KCNQ2: variants seen among roughly 807,000 people sequenced by gnomAD.
KCNQ2 encodes potassium voltage-gated channel subfamily Q member 2, also known as potassium voltage-gated channel subfamily KQT member 2.
In KCNQ2, 14 loss-of-function variants were observed where a neutral mutation model predicts 84.8. The ratio of observed to expected loss-of-function variants is 0.17; its 90% CI spans 0.11 to 0.26. The LOEUF (loss-of-function observed/expected upper bound fraction) is 0.26, where lower values mean the gene tolerates loss of function less well. KCNQ2 is among the 10% of genes least tolerant of loss of function. The pLI is 1.00. For missense variants in KCNQ2, 788 were observed against 1,254.0 expected, an observed-to-expected ratio of 0.63 and a Z score of 5.61; for synonymous variants, 599 against 554.1, an observed-to-expected ratio of 1.08 and a Z score of -1.14.
chr20:63,455,134 ATGGGAGGACGGTGGGAGGACGC>A (rs2081743017), intron 1 of KCNQ2, among the ~76,000 whole-genome samples: 1 of 152,050 alleles, frequency 6.6e-6, no homozygotes. Flanking sequence ...CGATGGGAGG[ATGGGAGGACGGTGGGAGGACGC>A]TGGGAGGACG....
intron 1 of KCNQ2, among the ~76,000 whole-genome samples, chr20:63,464,661 G>A (rs2082038378): frequency 1.3e-5 from 2 of 152,174 alleles, no homozygotes; most frequent in Admixed American, 1.3e-4. Context: ...CAGGGCCATG[G>A]CCCTGCGCCC....
chr20:63,469,251 C>T (rs898594313), intron 1 of KCNQ2, among the ~76,000 whole-genome samples: 1 of 152,238 alleles, frequency 6.6e-6, no homozygotes, highest in African/African-American at 2.4e-5. Context: ...AGCTCACACT[C>T]CCTTTGGGAG....
chr20:63,447,904 G>C (rs570987969), intron 1 of KCNQ2: 1 of 152,146 alleles, frequency 6.6e-6, no homozygotes, highest in Non-Finnish European at 1.5e-5. Flanking sequence ...GCCCAAATGC[G>C]TGACTTTTTC....
intron 1 of KCNQ2, among the ~76,000 whole-genome samples, chr20:63,451,465 G>A (rs529106562): frequency 2.6e-5 from 4 of 152,190 alleles, no homozygotes; most frequent in Admixed American, 2.6e-4. Context: ...GCTCTAGGGA[G>A]AACCTGCCTG....
intron 3 of KCNQ2, 86 bp downstream of exon 3, chr20:63,445,152 G>A (rs1487413679): frequency 8.2e-6 from 13 of 1,579,438 alleles, no homozygotes; most frequent in Middle Eastern, 1.7e-4. Context: ...TCTGGCCCAC[G>A]CAGACGCCCC....
In KCNQ2 at chr20:63,468,067, T is replaced by A. The variant is rs1192328005; in HGVS notation, c.296+4101A>T. Among the ~76,000 whole-genome samples, 3 of 152,210 alleles carry A rather than the reference T, an allele frequency of 2.0e-5. No individual in the cohort carries two copies. The East Asian group carries it at 5.8e-4, about 29-fold the overall frequency. ...AAGCAGCATCATGTACAATGTCTTA[T>A]CACTCCAGAGTAATTTCACTTTAAA... is the stretch of plus-strand genomic sequence containing the variant. On this transcript the variant is annotated intron_variant, in intron 1 of 16. Coordinates refer to ENST00000359125, the MANE Select transcript of KCNQ2 (RefSeq NM_172107.4).
chr20:63,413,700 T>TAATGA, intron 14 of KCNQ2, 119 bp from the exon 15 acceptor site: 2 of 1,129,628 alleles, frequency 1.8e-6, no homozygotes, highest in Non-Finnish European at 2.6e-6. Context: ...TTGCCCCTCT[T>TAATGA]GTCTGCCGCC....
At chr20:63,459,417 C>G (rs1324462034) in intron 1 of KCNQ2, 1 of 152,202 alleles carries the variant, frequency 6.6e-6, no homozygotes, top group African/African-American at 2.4e-5. Flanking sequence ...GAGACGGAGG[C>G]TGGAGGATGG....
chr20:63,455,156 CTGGGAGGACGA>C (rs751566856), intron 1 of KCNQ2, among the ~76,000 whole-genome samples: 7 of 152,130 alleles, frequency 4.6e-5, no homozygotes, highest in Admixed American at 6.5e-5. Flanking sequence ...TGGGAGGACG[CTGGGAGGACGA>C]TGGGAGGACC....
intron 11 of KCNQ2, chr20:63,422,471 G>C (rs1276682742): frequency 2.6e-5 from 4 of 152,794 alleles, no homozygotes; most frequent in Admixed American, 2.6e-4. Flanking sequence ...CGTCCCAGGA[G>C]GAGGGCCGGG....
Position 63,431,365 on chromosome 20 carries a change from G to C in KCNQ2, c.1123C>G (p.Gln375Glu), listed in dbSNP as rs756360226. ...RTVTVPMYSS[Q>E]TQTYGASRLI... The stretch of plus-strand genomic sequence containing the variant: ...CTGGAGGCCCCGTAGGTTTGAGTTT[G>C]CGAACTTTCAAGTGTTTCCACACAC... Residue 375 changes from glutamine (Q) to glutamate (E), a missense_variant, in exon 9 of 17, where the codon CAA (glutamine) becomes GAA (glutamate). Physicochemically the swap from Gln to Glu is conservative, Grantham distance 29 (BLOSUM62 2). Around this residue, in one of 8 missense-constraint regions of KCNQ2, gnomAD observed 202 missense variants for 239.4 expected, o/e 0.84. Transcript: ENST00000359125. 3.7e-6 allele frequency: 6 copies of C among 1,613,702 alleles called. No individual in the cohort carries two copies. Among genetic ancestry groups the C allele is most frequent in the African/African-American group, 1.3e-5 (1 of 74,894 alleles).
At chr20:63,453,091 C>T (rs1180405519) in intron 1 of KCNQ2, among the ~76,000 whole-genome samples, 3 of 152,164 alleles carry the variant, frequency 2.0e-5, no homozygotes. Context: ...CAAGCCACAG[C>T]CAGGTCCTGC....
intron 12 of KCNQ2, among the ~76,000 whole-genome samples, chr20:63,419,225 C>T (rs566987810): frequency 1.7e-4 from 26 of 152,130 alleles, no homozygotes; most frequent in Non-Finnish European, 3.2e-4. Context: ...AGCTGCCTCC[C>T]GCGGTCGAGG....
Position 63,438,191 on chromosome 20 carries a change from G to T in KCNQ2, c.1023+434C>A. 3.6e-6 allele frequency: 1 copy of T among 279,288 alleles called. No homozygotes were observed. Among genetic ancestry groups the T allele is most frequent in the Admixed American group, 4.6e-5 (1 of 21,726 alleles). 17.3% of individuals were successfully genotyped at this position (279,288 alleles called of 1,614,324 possible). ...ACTGCACGCTACCCACCCCCAAATG[G>T]TGGGACGGCACTGGGTGGGGTCCGG... On this transcript the variant is annotated intron_variant, in intron 7 of 16. Transcript: ENST00000359125. The surrounding 1 kb of genome is among the most constrained non-coding windows in gnomAD (Gnocchi z 5.1).
intron 10 of KCNQ2, among the ~76,000 whole-genome samples, chr20:63,427,837 C>T (rs2080676603): frequency 6.6e-6 from 1 of 152,240 alleles, no homozygotes; most frequent in Non-Finnish European, 1.5e-5. Context: ...GCCCCTGCCC[C>T]ACCAAGGGCT....
chr20:63,443,325 CCAT>C (rs2081299674), intron 4 of KCNQ2, among the ~76,000 whole-genome samples: 13 of 17,366 alleles, frequency 7.5e-4, no homozygotes, highest in Admixed American at 2.1e-3. Flanking sequence ...ACCACCACCA[CCAT>C]CACCATCACC....
intron 1 of KCNQ2, chr20:63,448,258 G>A (rs1262255092): frequency 6.6e-6 from 1 of 152,260 alleles, no homozygotes; most frequent in Admixed American, 6.5e-5. Flanking sequence ...GGGATGTGAA[G>A]GGGACGTGTC....
intron 1 of KCNQ2, among the ~76,000 whole-genome samples, chr20:63,465,864 C>T (rs557196389): frequency 2.0e-5 from 3 of 152,296 alleles, no homozygotes; most frequent in South Asian, 2.1e-4. Flanking sequence ...CCGCCGTTTC[C>T]GCTCGACGCT....
rs775271635 is a variant in KCNQ2 at position 63,407,089 on chromosome 20, C to G, written c.2174G>C (p.Arg725Pro). ...STSWQPQSHP[R>P]QGHGTSPVGD... is the part of the protein sequence containing the mutation. ...CACGGGGGAGGTGCCGTGGCCCTGG[C>G]GCGGGTGGCTCTGTGGCTGCCAGGA... The change falls in exon 17 of 17, where the codon CGC (arginine) becomes CCC (proline). Residue 725 changes from arginine (R) to proline (P), a missense_variant. Transcript: ENST00000359125. The surrounding 1 kb of genome is among the most constrained non-coding windows in gnomAD (Gnocchi z 7.2). 1 of 1,533,396 alleles carries G rather than the reference C, an allele frequency of 6.5e-7. No individual in the cohort carries two copies. Among genetic ancestry groups the G allele is most frequent in the Non-Finnish European group, 8.8e-7 (1 of 1,141,688 alleles). 95.0% of individuals were successfully genotyped at this position (1,533,396 alleles called of 1,614,324 possible).
Sources: gnomAD v4.1 joint callset for allele counts (sites outside exome capture counted in the v4.1 genomes callset) on GRCh38, gnomAD v4.1.1 for gene constraint, gnomAD v4.1.1 regional missense constraint, Gnocchi (gnomAD v3.1) non-coding constraint, MANE v1.5 for transcripts, NCBI Gene and HGNC (gene_info 2026-07-23, HGNC 2026-07-21) for gene names.